Variants in KLF12 observed in about 807,000 individuals in gnomAD.
KLF12 encodes the protein Krueppel-like factor 12.
Under a neutral mutation model 37.8 loss-of-function variants are expected in KLF12, and 9 were observed. The ratio of observed to expected loss-of-function variants is 0.24; its 90% confidence interval spans 0.14 to 0.42. KLF12 has a LOEUF of 0.42. KLF12 is among the 10% of genes least tolerant of loss of function. The pLI is 1.00. For missense variants in KLF12, 411 were observed against 516.0 expected, an observed-to-expected ratio of 0.80 and a Z score of 1.97; for synonymous variants, 208 against 202.1, an observed-to-expected ratio of 1.03 and a Z score of -0.25.
the KLF12 span, among the ~76,000 whole-genome samples, chr13:74,256,283 C>G: frequency 5.0e-3 from 760 of 152,070 alleles, 5 homozygotes; most frequent in South Asian, 0.031. Context: ...ACAACACAAA[C>G]AGAACAAAAT....
At chr13:74,218,390 GAAATGCGGTTGTCTGGGA>G in the KLF12 span, among the ~76,000 whole-genome samples, 1 of 152,180 alleles carries the variant, frequency 6.6e-6, no homozygotes, top group African/African-American at 2.4e-5. Context: ...CGAAATCTGG[GAAATGCGGTTGTCTGGGA>G]AAAACAAAGG....
chr13:73,802,260 T>C (rs1425793427), intron 5 of KLF12: 2 of 152,042 alleles, frequency 1.3e-5, no homozygotes, highest in East Asian at 1.9e-4. Flanking sequence ...TCAGGATAAA[T>C]TGTCACTTGG....
At chr13:73,905,065 G>C (rs756034324) in intron 3 of KLF12, among the ~76,000 whole-genome samples, 1 of 151,870 alleles carries the variant, frequency 6.6e-6, no homozygotes, top group Non-Finnish European at 1.5e-5. Flanking sequence ...TTTCATGGCT[G>C]TATAAAGACC....
chr13:74,007,237 TGAAATCAGAAAAAGACA>T (rs11269792), intron 1 of KLF12, among the ~76,000 whole-genome samples: 101,714 of 151,160 alleles, frequency 0.67, 35,554 homozygotes, highest in East Asian at 0.83. Flanking sequence ...CTTTACCCAC[TGAAATCAGAAAAAGACA>T]GAAATCAGAA....
At chr13:74,197,647 G>T in the KLF12 span, among the ~76,000 whole-genome samples, 1 of 152,134 alleles carries the variant, frequency 6.6e-6, no homozygotes, top group Non-Finnish European at 1.5e-5. Flanking sequence ...GTAATAGTAA[G>T]GGAAATATAT....
chr13:73,752,147 T>A (rs1878802598), intron 6 of KLF12, among the ~76,000 whole-genome samples: 1 of 152,104 alleles, frequency 6.6e-6, no homozygotes, highest in Non-Finnish European at 1.5e-5. Context: ...TGCACTCAGC[T>A]AATTTTTGTA....
chr13:74,142,973 T>C, the KLF12 span, among the ~76,000 whole-genome samples: 1 of 152,010 alleles, frequency 6.6e-6, no homozygotes, highest in Non-Finnish European at 1.5e-5. Flanking sequence ...AATCAATTCT[T>C]AATAAAGACC....
At chr13:73,890,813 C>G (rs535537865) in intron 3 of KLF12, among the ~76,000 whole-genome samples, 1 of 152,156 alleles carries the variant, frequency 6.6e-6, no homozygotes, top group African/African-American at 2.4e-5. Context: ...AACGACCAAC[C>G]CACTCTTGGT....
At chr13:74,298,019 G>A in the KLF12 span, among the ~76,000 whole-genome samples, 14,770 of 152,126 alleles carry the variant, frequency 0.097, 949 homozygotes, top group African/African-American at 0.18. Context: ...GAATCGTTCC[G>A]ACTGGAAATC....
chr13:74,268,216 G>C, the KLF12 span, among the ~76,000 whole-genome samples: 2 of 152,154 alleles, frequency 1.3e-5, no homozygotes, highest in Non-Finnish European at 2.9e-5. Context: ...AATTTTTCCA[G>C]TAGAATTATT....
the KLF12 span, among the ~76,000 whole-genome samples, chr13:74,167,240 C>T: frequency 6.6e-6 from 1 of 152,206 alleles, no homozygotes; most frequent in African/African-American, 2.4e-5. Flanking sequence ...AACTAGCTTC[C>T]ATGTGTCTAG....
intron 3 of KLF12, among the ~76,000 whole-genome samples, chr13:73,883,840 G>T (rs1887093875): frequency 6.6e-6 from 1 of 152,104 alleles, no homozygotes; most frequent in African/African-American, 2.4e-5. Context: ...TAAATTTAGG[G>T]TGATATGACA....
intron 3 of KLF12, among the ~76,000 whole-genome samples, chr13:73,932,865 C>T (rs1889750848): frequency 6.6e-6 from 1 of 152,070 alleles, no homozygotes; most frequent in Non-Finnish European, 1.5e-5. Context: ...TTCACAAGAT[C>T]TATATTAGAT....
intron 7 of KLF12, among the ~76,000 whole-genome samples, chr13:73,714,746 T>C (rs1203854289): frequency 6.6e-6 from 1 of 152,042 alleles, no homozygotes; most frequent in Non-Finnish European, 1.5e-5. Context: ...AAGTGCAGAG[T>C]CACCAGTTCA....
At chr13:74,201,151 G>C in the KLF12 span, among the ~76,000 whole-genome samples, 1 of 152,134 alleles carries the variant, frequency 6.6e-6, no homozygotes, top group Admixed American at 6.6e-5. Context: ...AGATCAAATA[G>C]AGAGCCTATT....
intron 1 of KLF12, among the ~76,000 whole-genome samples, chr13:74,118,670 T>C (rs9600232): frequency 0.12 from 18,995 of 152,080 alleles, 1,352 homozygotes; most frequent in South Asian, 0.18. Flanking sequence ...TCAAAACTGA[T>C]ACGAAAATGG....
At chr13:73,805,638 GAGGGAGGGAGGGAGGAAGGAAGGA>G (rs1430248355) in intron 5 of KLF12, among the ~76,000 whole-genome samples, 185 of 43,130 alleles carry the variant, frequency 4.3e-3, no homozygotes, top group African/African-American at 0.017. Context: ...GGGAGGGAGG[GAGGGAGGGAGGGAGGAAGGAAGGA>G]AGGAAGGAAG....
At chr13:74,037,516 T>A (rs1032077777) in intron 1 of KLF12, among the ~76,000 whole-genome samples, 3 of 152,198 alleles carry the variant, frequency 2.0e-5, no homozygotes, top group Non-Finnish European at 2.9e-5. Context: ...CGTATGAGCC[T>A]GCAAATTTTT....
At chr13:73,769,836 G>A (rs1006193189) in intron 5 of KLF12, among the ~76,000 whole-genome samples, 1 of 152,172 alleles carries the variant, frequency 6.6e-6, no homozygotes, top group African/African-American at 2.4e-5. Flanking sequence ...AAATTAGAGA[G>A]GCTGTTTCAT....
Sources: allele counts gnomAD v4.1 joint callset (sites outside exome capture counted in the v4.1 genomes callset), GRCh38; gene constraint gnomAD v4.1.1; transcripts MANE v1.5; gene names NCBI Gene and HGNC (gene_info 2026-07-23, HGNC 2026-07-21).